The following CSMD3 variants were observed in gnomAD, a reference collection of about 807,000 sequenced individuals.
CSMD3 encodes the protein CUB and sushi domain-containing protein 3.
A neutral mutation model predicts 435.2 loss-of-function variants in CSMD3; 177 were observed. The observed-to-expected ratio is 0.41, with a 90% confidence interval of 0.36 to 0.46. CSMD3 has a LOEUF of 0.46. CSMD3 is among the 20% of genes least tolerant of loss of function. The pLI is 0.34. For missense variants in CSMD3, 4,265 were observed against 4,504.6 expected, an observed-to-expected ratio of 0.95 and a Z score of 1.52; for synonymous variants, 1,656 against 1,520.5, an observed-to-expected ratio of 1.09 and a Z score of -2.07.
intron 5 of CSMD3, among the ~76,000 whole-genome samples, chr8:113,020,169 C>CAAAAAAAAAAAAAAAAAAAA (rs1163891165): frequency 1.2e-5 from 1 of 84,636 alleles, no homozygotes; most frequent in Non-Finnish European, 2.3e-5. Context: ...GACTCCGTCT[C>CAAAAAAAAAAAAAAAAAAAA]AAAAAAAAAA....
At chr8:112,258,869 C>A (rs534790436) in intron 61 of CSMD3, among the ~76,000 whole-genome samples, 3 of 152,198 alleles carry the variant, frequency 2.0e-5, no homozygotes, top group African/African-American at 4.8e-5. Flanking sequence ...GAAACCCCAT[C>A]TCTACTAAAA....
intron 5 of CSMD3, among the ~76,000 whole-genome samples, chr8:113,061,660 A>G (rs983888509): frequency 2.6e-5 from 4 of 152,194 alleles, no homozygotes; most frequent in Middle Eastern, 6.8e-3. Context: ...CTTGATTGCT[A>G]TAACTCTAGA....
intron 13 of CSMD3, among the ~76,000 whole-genome samples, chr8:112,700,692 A>C (rs1013746055): frequency 3.3e-5 from 5 of 152,048 alleles, no homozygotes; most frequent in African/African-American, 1.2e-4. Flanking sequence ...CGGACAGAAC[A>C]ACCATGGTAA....
chr8:113,143,372 G>C (rs1418538245), intron 4 of CSMD3, among the ~76,000 whole-genome samples: 1 of 151,330 alleles, frequency 6.6e-6, no homozygotes, highest in African/African-American at 2.4e-5. Flanking sequence ...ATCACCAGCG[G>C]AAACAGAAAA....
At chr8:112,911,635 A>AG (rs1042563049) in intron 10 of CSMD3, among the ~76,000 whole-genome samples, 44 of 57,004 alleles carry the variant, frequency 7.7e-4, no homozygotes, top group Non-Finnish European at 1.0e-3. Flanking sequence ...GTGTGTGTAC[A>AG]TATATATGTG....
At chr8:113,278,788 A>T (rs930017372) in intron 2 of CSMD3, 84 bp from the exon 3 acceptor site, 16 of 727,634 alleles carry the variant, frequency 2.2e-5, no homozygotes, top group Middle Eastern at 2.7e-4. Context: ...TATTTAAAAA[A>T]AATAATAAAA....
intron 23 of CSMD3, among the ~76,000 whole-genome samples, chr8:112,579,987 G>A (rs1291816744): frequency 6.6e-6 from 1 of 151,814 alleles, no homozygotes; most frequent in Non-Finnish European, 1.5e-5. Context: ...CTTGAATTTT[G>A]GAATAGAATA....
chr8:112,244,748 A>ATACTT (rs1306897098), intron 64 of CSMD3, among the ~76,000 whole-genome samples, 175 bp from the exon 65 acceptor site: 1 of 152,138 alleles, frequency 6.6e-6, no homozygotes, highest in African/African-American at 2.4e-5. Context: ...TATTGATTTC[A>ATACTT]TACTTTAGCA....
chr8:112,440,097 C>T (rs1042793433), intron 32 of CSMD3, among the ~76,000 whole-genome samples: 1 of 152,110 alleles, frequency 6.6e-6, no homozygotes, highest in Non-Finnish European at 1.5e-5. Flanking sequence ...AGGCAAGTCC[C>T]TTCTATCTAA....
chr8:112,279,790 C>A (rs1012539533), intron 59 of CSMD3, among the ~76,000 whole-genome samples: 1 of 152,118 alleles, frequency 6.6e-6, no homozygotes, highest in African/African-American at 2.4e-5. Flanking sequence ...TGGTTCCTAT[C>A]AATAACTGGA....
intron 17 of CSMD3, among the ~76,000 whole-genome samples, chr8:112,663,095 A>G (rs952310259): frequency 6.6e-5 from 10 of 152,166 alleles, no homozygotes; most frequent in African/African-American, 2.4e-4. Flanking sequence ...TCAGGGATCT[A>G]GAACTAGAAA....
At chr8:112,563,989 A>G (rs1382231383) in intron 24 of CSMD3, among the ~76,000 whole-genome samples, 2 of 152,098 alleles carry the variant, frequency 1.3e-5, no homozygotes, top group African/African-American at 4.8e-5. Context: ...AGGAAGGCAC[A>G]GCTCACACGA....
chr8:112,888,091 A>G (rs1041494763), intron 10 of CSMD3, among the ~76,000 whole-genome samples: 3 of 151,712 alleles, frequency 2.0e-5, no homozygotes, highest in Admixed American at 6.6e-5. Context: ...ATTCCTGAGA[A>G]ACATATCAGT....
intron 20 of CSMD3, chr8:112,643,455 A>T (rs2131606050): frequency 5.9e-6 from 1 of 170,342 alleles, no homozygotes; most frequent in South Asian, 2.0e-4. Flanking sequence ...AGACAAACTT[A>T]GTTGGCTCTT....
intron 5 of CSMD3, among the ~76,000 whole-genome samples, chr8:113,065,592 G>A (rs111667482): frequency 6.6e-5 from 10 of 152,194 alleles, no homozygotes; most frequent in African/African-American, 2.2e-4. Flanking sequence ...GTTTCACCAT[G>A]TTAGCCAAGA....
chr8:113,265,736 C>G (rs999172055), intron 3 of CSMD3, among the ~76,000 whole-genome samples: 4 of 151,398 alleles, frequency 2.6e-5, no homozygotes, highest in African/African-American at 9.7e-5. Flanking sequence ...GGATTTTGAA[C>G]ATTTACAACT....
chr8:112,396,966 T>G (rs1360477360), intron 35 of CSMD3, among the ~76,000 whole-genome samples: 2 of 152,088 alleles, frequency 1.3e-5, no homozygotes, highest in Admixed American at 1.3e-4. Context: ...TTCAAAGACC[T>G]TGGGGCAGAT....
At chr8:112,559,673 A>C (rs1257325096) in intron 24 of CSMD3, among the ~76,000 whole-genome samples, 1 of 151,884 alleles carries the variant, frequency 6.6e-6, no homozygotes, top group African/African-American at 2.4e-5. Flanking sequence ...CAACACAATT[A>C]AGATTCTGAA....
chr8:112,349,056 T>A (rs962465266), intron 40 of CSMD3, among the ~76,000 whole-genome samples: 3 of 152,114 alleles, frequency 2.0e-5, no homozygotes, highest in East Asian at 1.9e-4. Context: ...ACATAATTAA[T>A]CTATTTAAGA....
Sources: gnomAD v4.1 joint callset for allele counts (sites outside exome capture counted in the v4.1 genomes callset) on GRCh38, gnomAD v4.1.1 for gene constraint, MANE v1.5 for transcripts, NCBI Gene and HGNC (gene_info 2026-07-23, HGNC 2026-07-21) for gene names.